The following SMC5 variants were observed in gnomAD, a reference collection of about 807,000 sequenced individuals.
The protein encoded by SMC5 is structural maintenance of chromosomes 5, also known as structural maintenance of chromosomes protein 5.
A neutral mutation model predicts 148.3 loss-of-function variants in SMC5; 88 were observed. The observed-to-expected ratio is 0.59, with a 90% CI of 0.50 to 0.71. SMC5 has a LOEUF of 0.71. Ranked by LOEUF, SMC5 falls within the 30% of genes least tolerant of loss-of-function variation. The probability of loss-of-function intolerance (pLI) is 0.00; values close to 1 mark genes in which losing one functional copy is unlikely to be tolerated. For synonymous variants in SMC5, 421 were observed against 432.8 expected (o/e 0.97, Z 0.34); for missense variants, 1,142 against 1,298.9 (o/e 0.88, Z 1.86).
At chr9:70,338,772 A>G (rs2036432597) in intron 17 of SMC5, among the ~76,000 whole-genome samples, 1 of 152,124 alleles carries the variant, frequency 6.6e-6, no homozygotes, top group Non-Finnish European at 1.5e-5. Flanking sequence ...TCCTTGACAC[A>G]CATAAGTAAC....
At chr9:70,331,036 C>CG (rs1473613144) in intron 17 of SMC5, among the ~76,000 whole-genome samples, 1 of 152,148 alleles carries the variant, frequency 6.6e-6, no homozygotes, top group Non-Finnish European at 1.5e-5. Flanking sequence ...CATCTCAAGT[C>CG]AGATAGTAAA....
intron 3 of SMC5, among the ~76,000 whole-genome samples, chr9:70,271,452 G>A (rs2034447962): frequency 6.6e-6 from 1 of 152,164 alleles, no homozygotes; most frequent in Admixed American, 6.5e-5. Flanking sequence ...AACTGGCCAT[G>A]TATTCCTTGA....
At chr9:70,272,910 CAG>C (rs1337031411) in intron 3 of SMC5, among the ~76,000 whole-genome samples, 1 of 152,110 alleles carries the variant, frequency 6.6e-6, no homozygotes, top group Admixed American at 6.5e-5. Flanking sequence ...AAATTGAGAA[CAG>C]AGTTTATTAT....
chr9:70,324,054 T>G lies in SMC5; in HGVS notation c.2308T>G (p.Leu770Val). The G allele has an allele frequency of 6.3e-7, 1 of 1,587,888 alleles. No individual in the cohort carries two copies. Among genetic ancestry groups the G allele is most frequent in the South Asian group, 1.2e-5 (1 of 85,746 alleles). The change falls in exon 17 of 25, where the codon TTA (leucine) becomes GTA (valine). Residue 770 changes from leucine to valine, a missense_variant. Coordinates refer to ENST00000361138, the MANE Select transcript of SMC5 (RefSeq NM_015110.4). ...TTCTTTGCATATACAAAAAGTAGAT[T>G]TAATTCTCCAAAATACTACAGTGAT... The part of the protein sequence containing the change: ...CTSLHIQKVD[L>V]ILQNTTVISE...
chr9:70,317,029 A>G (rs1283845294), intron 13 of SMC5, among the ~76,000 whole-genome samples: 1 of 152,100 alleles, frequency 6.6e-6, no homozygotes, highest in Admixed American at 6.6e-5. Context: ...TAAATAATTT[A>G]TGATGATATA....
intron 15 of SMC5, among the ~76,000 whole-genome samples, chr9:70,320,547 T>G (rs1276816340): frequency 1.3e-5 from 2 of 152,142 alleles, no homozygotes; most frequent in African/African-American, 4.8e-5. Context: ...TATGTTGTAT[T>G]AGGTATTATA....
At chr9:70,262,920 G>A (rs2117942033) in intron 1 of SMC5, among the ~76,000 whole-genome samples, 1 of 151,858 alleles carries the variant, frequency 6.6e-6, no homozygotes, top group African/African-American at 2.4e-5. Flanking sequence ...ACTTGATCTG[G>A]GTAGCTAAAG....
intron 18 of SMC5, 151 bp from the exon 19 acceptor site, chr9:70,346,454 A>G (rs879375207): frequency 2.6e-6 from 2 of 770,164 alleles, no homozygotes; most frequent in Non-Finnish European, 4.4e-6. Flanking sequence ...CATGGCATGG[A>G]CTCAGAAGAT....
rs1346219071 is a variant in SMC5, at chr9:70,346,610, A to T, written c.2529A>T (p.Val843=). 2 of 1,613,984 alleles carry T rather than the reference A, an allele frequency of 1.2e-6. No homozygotes were observed. Among genetic ancestry groups the T allele is most frequent in the South Asian group, 2.2e-5 (2 of 91,072 alleles). ...GACCCATTCTACCAATTCAGCAAGT[A>T]CCCACCATTCCAAATGGACACAACT... is the stretch of plus-strand genomic sequence containing the variant. ...QTLPQEYQTQ[V]PTIPNGHNSS... Residue 843 remains valine (V), a synonymous_variant, in exon 19 of 25, where the codon GTA becomes GTT. Coordinates refer to ENST00000361138, the MANE Select transcript of SMC5 (RefSeq NM_015110.4).
Position 70,323,490 on chromosome 9 carries a change from C to T in SMC5, c.2158C>T (p.Leu720=), listed in dbSNP as rs2035998614. 4 of 1,608,056 alleles carry T rather than the reference C, an allele frequency of 2.5e-6. No homozygotes were observed. In the South Asian group the frequency reaches 3.3e-5, roughly 13 times the overall value. The change falls in exon 16 of 25, where the codon CTG becomes TTG. Residue 720 remains leucine, a synonymous_variant. Transcript: ENST00000361138. ...ATTATATGTGTCATACAGTTTAAAG[C>T]TGATGGAACAGGATACTTGCAATCT... The part of the protein sequence containing the change: ...KISSKLGSLK[L]MEQDTCNLEE...
At chr9:70,264,922 G>C (rs898045918) in intron 2 of SMC5, among the ~76,000 whole-genome samples, 1 of 152,154 alleles carries the variant, frequency 6.6e-6, no homozygotes, top group Non-Finnish European at 1.5e-5. Context: ...CACTCCTGTA[G>C]AGCATGTTAC....
In SMC5 at chr9:70,314,795, A is replaced by G. The variant is rs1305249175; in HGVS notation, c.1632A>G (p.Ser544=). The stretch of plus-strand genomic sequence containing the variant: ...ATGCTGTTATTGCTCCCAAGAGTTC[A>G]TATGCAGACAAAGCACCTTCAAGAT... ...RVNAVIAPKS[S]YADKAPSRSL... The change falls in exon 12 of 25, where the codon TCA becomes TCG. Residue 544 remains serine (S), a synonymous_variant. Transcript: ENST00000361138. 3.2e-6 allele frequency: 5 copies of G among 1,578,896 alleles called. No individual in the cohort carries two copies. Among genetic ancestry groups the G allele is most frequent in the Non-Finnish European group, 3.4e-6 (4 of 1,161,750 alleles).
chr9:70,333,021 A>G (rs1034361063), intron 17 of SMC5, among the ~76,000 whole-genome samples: 12 of 152,204 alleles, frequency 7.9e-5, no homozygotes, highest in African/African-American at 2.7e-4. Context: ...GGGGACGAGG[A>G]AAATGCCTAC....
intron 18 of SMC5, among the ~76,000 whole-genome samples, chr9:70,345,781 G>T (rs1321118995): frequency 7.2e-5 from 11 of 152,020 alleles, no homozygotes; most frequent in African/African-American, 2.7e-4. Flanking sequence ...TTTTATGAAC[G>T]AGCACTCTAA....
At chr9:70,344,048 T>C (rs2036595999) in intron 17 of SMC5, 96 bp from the exon 18 acceptor site, 4 of 672,232 alleles carry the variant, frequency 6.0e-6, no homozygotes, top group Admixed American at 8.5e-5. Flanking sequence ...ATCATTATAA[T>C]CAGAATTCAA....
At chr9:70,283,958 T>G (rs1001745469) in intron 7 of SMC5, among the ~76,000 whole-genome samples, 1 of 152,234 alleles carries the variant, frequency 6.6e-6, no homozygotes, top group African/African-American at 2.4e-5. Context: ...AAAGAAGTTA[T>G]GTGGAGCTCT....
chr9:70,259,022 G>A lies in SMC5; in HGVS notation c.-57G>A, dbSNP rs540017871. ...CGCCTGGGTGGATGGGCGCTTGGGC[G>A]CCTGGGCTGCCGGACGGTGGGAACG... On this transcript the variant is annotated 5_prime_UTR_variant, in exon 1 of 25. Transcript: ENST00000361138. The A allele has an allele frequency of 4.6e-6, 7 of 1,518,386 alleles. No homozygotes were observed. The African/African-American group carries it at 8.4e-5, about 18-fold the overall frequency. The allele number at this position is 1,518,386 out of a possible 1,614,324, so 94.1% of individuals were successfully genotyped here. A position where few individuals can be genotyped will look rare whatever the true frequency, so the allele number is the denominator to read the frequency against.
At position 70,283,889 on chromosome 9, in the gene SMC5, T is replaced by TTTAA. The variant is rs1377698765; in HGVS notation, c.981+1307_981+1310dup. 4.6e-5 allele frequency among the ~76,000 whole-genome samples: 7 copies of TTTAA among 152,336 alleles called. No individual in the cohort carries two copies. The East Asian group carries it at 1.4e-3, about 29-fold the overall frequency. ...CTACTCCAGGGTTTTTGTTACTGAA[T>TTTAA]TTAAGATTGCCATTTATACAGGTTT... On this transcript the variant is annotated intron_variant, in intron 7 of 24. Transcript: ENST00000361138.
Position 70,350,169 on chromosome 9 carries a change from A to C in SMC5, c.2945A>C (p.Gln982Pro), listed in dbSNP as rs750360162. 6.2e-7 allele frequency: 1 copy of C among 1,613,386 alleles called. No homozygotes were observed. The highest frequency in any genetic ancestry group is 8.5e-7 in the Non-Finnish European group (1 of 1,179,676). Residue 982 changes from glutamine (Q) to proline (P), a missense_variant, in exon 23 of 25, where the codon CAA (glutamine) becomes CCA (proline). Transcript: ENST00000361138. ...RIRVKFRSST[Q>P]LHELTPHHQS... ...AGAGTCAAATTTCGAAGTAGTACTC[A>C]ACTGCATGAATTAACTCCTCATCAT...
Sources: allele counts gnomAD v4.1 joint callset (sites outside exome capture counted in the v4.1 genomes callset), GRCh38; gene constraint gnomAD v4.1.1; transcripts MANE v1.5; gene names NCBI Gene and HGNC (gene_info 2026-07-23, HGNC 2026-07-21).